The following TNIK variants were observed in gnomAD, a reference collection of about 807,000 sequenced individuals.
The protein encoded by TNIK is TRAF2 and NCK interacting kinase, also known as TRAF2 and NCK-interacting protein kinase.
In TNIK, 49 loss-of-function variants were observed where a neutral mutation model predicts 191.3. The observed-to-expected ratio is 0.26, with a 90% CI of 0.20 to 0.32. The LOEUF is 0.32. TNIK is among the 10% of genes least tolerant of loss of function. The probability of loss-of-function intolerance (pLI) is 1.00; values close to 1 mark genes in which losing one functional copy is unlikely to be tolerated. For missense variants in TNIK, 1,155 were observed against 1,702.3 expected, an observed-to-expected ratio of 0.68 and a Z score of 5.66; for synonymous variants, 594 against 600.9, an observed-to-expected ratio of 0.99 and a Z score of 0.17.
chr3:171,338,356 A>G (rs1338123188), intron 2 of TNIK, among the ~76,000 whole-genome samples: 1 of 152,230 alleles, frequency 6.6e-6, no homozygotes, highest in Admixed American at 6.5e-5. Context: ...CATGACGTTA[A>G]GAAAGCTGAA....
intron 2 of TNIK, among the ~76,000 whole-genome samples, chr3:171,289,568 T>C (rs1195418125): frequency 1.3e-5 from 2 of 152,170 alleles, no homozygotes; most frequent in Non-Finnish European, 2.9e-5. Context: ...AAACATGTCT[T>C]AAACCACTAA....
At chr3:171,081,042 C>T (rs909958472) in intron 27 of TNIK, among the ~76,000 whole-genome samples, 1 of 152,192 alleles carries the variant, frequency 6.6e-6, no homozygotes, top group Non-Finnish European at 1.5e-5. Context: ...CCACTAACAA[C>T]ATAATGAAGT....
At chr3:171,304,227 C>A (rs1560400864) in intron 2 of TNIK, among the ~76,000 whole-genome samples, 1 of 152,064 alleles carries the variant, frequency 6.6e-6, no homozygotes, top group Non-Finnish European at 1.5e-5. Context: ...GAAAGCCCCA[C>A]AAGGAAAGCA....
chr3:171,181,903 C>T (rs759837008), intron 7 of TNIK, among the ~76,000 whole-genome samples: 1 of 152,176 alleles, frequency 6.6e-6, no homozygotes. Context: ...CATACTTTGA[C>T]AGTAAGGAAA....
In TNIK at chr3:171,114,671, T is replaced by G. The variant is rs1322916208; in HGVS notation, c.2121-3794A>C. Among the ~76,000 whole-genome samples the G allele has an allele frequency of 2.6e-5, 4 of 152,334 alleles. 1 individual carries two copies. Among genetic ancestry groups the G allele is most frequent in the African/African-American group, 9.6e-5 (4 of 41,574 alleles). On this transcript the variant is annotated intron_variant, in intron 18 of 32. Transcript: ENST00000436636. Reference sequence around the variant, plus strand: ...AAATGTAGACCCTAATCATATTATCTTTGAAACTTTTGTGGTAAAAGGGTT... The same window carrying G: ...AAATGTAGACCCTAATCATATTATCGTTGAAACTTTTGTGGTAAAAGGGTT...
chr3:171,130,772 C>T (rs1729135163), intron 15 of TNIK, among the ~76,000 whole-genome samples: 2 of 152,200 alleles, frequency 1.3e-5, no homozygotes, highest in Non-Finnish European at 2.9e-5. Context: ...CCTTCAGTGT[C>T]TGAATTCCCA....
At position 171,110,873 on chromosome 3, in the gene TNIK, G is replaced by T. The variant is rs755546359; in HGVS notation, c.2125C>A (p.Pro709Thr). Residue 709 changes from proline (P) to threonine (T), a missense_variant, in exon 19 of 33, where the codon CCT (proline) becomes ACT (threonine). Physicochemically the swap from Pro to Thr is conservative, Grantham distance 38. Transcript: ENST00000436636. Reference protein sequence around the residue: ...LGSQPIRASNPDLRRTEPILE... With the variant: ...LGSQPIRASNTDLRRTEPILE... Reference sequence around the variant, plus strand: ...ATGGGCTCAGTTCTCCGGAGATCAGGGTTGCTGTGTGAGTGACAGAGCACA... The same window carrying T: ...ATGGGCTCAGTTCTCCGGAGATCAGTGTTGCTGTGTGAGTGACAGAGCACA... 6.2e-7 allele frequency: 1 copy of T among 1,600,660 alleles called. No individual in the cohort carries two copies. Among genetic ancestry groups the T allele is most frequent in the Admixed American group, 1.7e-5 (1 of 58,824 alleles).
chr3:171,139,950 AC>A (rs1420307412), intron 13 of TNIK, among the ~76,000 whole-genome samples: 1 of 152,234 alleles, frequency 6.6e-6, no homozygotes, highest in Non-Finnish European at 1.5e-5. Flanking sequence ...GCCATCGTGC[AC>A]TGTCTTTGTA....
At chr3:171,202,128 C>T (rs746419024) in intron 4 of TNIK, among the ~76,000 whole-genome samples, 49 of 152,254 alleles carry the variant, frequency 3.2e-4, no homozygotes, top group Non-Finnish European at 5.7e-4. Context: ...TTTAAAGAAA[C>T]GTTACGGACA....
intron 27 of TNIK, among the ~76,000 whole-genome samples, chr3:171,081,272 G>A (rs1720635606): frequency 1.3e-5 from 2 of 152,110 alleles, no homozygotes; most frequent in South Asian, 2.1e-4. Flanking sequence ...AAAGAAAGAG[G>A]AAGTTTAGTG....
chr3:171,402,470 G>A (rs1351379913), intron 1 of TNIK, among the ~76,000 whole-genome samples: 1 of 152,174 alleles, frequency 6.6e-6, no homozygotes, highest in East Asian at 1.9e-4. Context: ...GAACCACCTG[G>A]CAGTGGACTA....
intron 22 of TNIK, 137 bp from the exon 23 acceptor site, chr3:171,094,105 T>A: frequency 8.5e-7 from 1 of 1,172,688 alleles, no homozygotes; most frequent in Non-Finnish European, 1.1e-6. Context: ...ATTTTAAGTG[T>A]ACATGTCAGT....
At chr3:171,447,307 G>GAA (rs10649565) in intron 1 of TNIK, among the ~76,000 whole-genome samples, 40,142 of 140,766 alleles carry the variant, frequency 0.29, 6,167 homozygotes, top group African/African-American at 0.44. Context: ...TTTTAGGCAA[G>GAA]AAAAAAAAAA....
rs1407181867 is a variant in TNIK at position 171,159,088 on chromosome 3, G to T, written c.1017-1424C>A. Among the ~76,000 whole-genome samples, 1 of 152,216 alleles carries T rather than the reference G, an allele frequency of 6.6e-6. No homozygotes were observed. Among genetic ancestry groups the T allele is most frequent in the Admixed American group, 6.5e-5 (1 of 15,290 alleles). ...GCAGAAGAGCAACATGAGCAGATGGGTTTGGCTGCTAAATGGATGACCTAG... is the reference window on the plus strand; with the variant it reads ...GCAGAAGAGCAACATGAGCAGATGGTTTTGGCTGCTAAATGGATGACCTAG... On this transcript the variant is annotated intron_variant, in intron 11 of 32. Coordinates refer to ENST00000436636, the MANE Select transcript of TNIK (RefSeq NM_015028.4). This position sits in a 1 kb window ranked among gnomAD's most constrained non-coding sequence, Gnocchi z 4.1.
At chr3:171,173,315 G>A (rs1261135039) in intron 9 of TNIK, among the ~76,000 whole-genome samples, 5 of 151,056 alleles carry the variant, frequency 3.3e-5, no homozygotes, top group African/African-American at 1.2e-4. Context: ...AGAATGGCGT[G>A]AACCCGGGAG....
intron 2 of TNIK, among the ~76,000 whole-genome samples, chr3:171,260,509 T>C (rs1282765866): frequency 3.3e-5 from 5 of 152,022 alleles, no homozygotes; most frequent in Non-Finnish European, 7.4e-5. Flanking sequence ...AGGGGAAGGA[T>C]GTGTTGATTT....
chr3:171,253,533 A>C (rs1577259032), intron 2 of TNIK, among the ~76,000 whole-genome samples: 4 of 149,700 alleles, frequency 2.7e-5, no homozygotes, highest in Admixed American at 6.7e-5. Context: ...TGCTGAATTC[A>C]CCTCCTTTCT....
intron 1 of TNIK, among the ~76,000 whole-genome samples, chr3:171,449,834 G>A (rs201563767): frequency 0.28 from 40,813 of 148,260 alleles, 6,299 homozygotes; most frequent in East Asian, 0.67. Context: ...TCACAAGTTC[G>A]AGACCAGCCT....
intron 5 of TNIK, among the ~76,000 whole-genome samples, chr3:171,193,209 G>C (rs763848022): frequency 8.5e-5 from 13 of 152,102 alleles, no homozygotes; most frequent in Non-Finnish European, 1.5e-4. Context: ...TAATTTATTA[G>C]TAGCTTTATA....
Sources: allele counts gnomAD v4.1 joint callset (sites outside exome capture counted in the v4.1 genomes callset), GRCh38; gene constraint gnomAD v4.1.1; non-coding constraint Gnocchi (gnomAD v3.1); transcripts MANE v1.5; gene names NCBI Gene and HGNC (gene_info 2026-07-23, HGNC 2026-07-21).